Variants in RPH3A observed in about 807,000 individuals in gnomAD.
RPH3A encodes the protein rabphilin 3A.
In RPH3A, 48 loss-of-function variants were observed where a neutral mutation model predicts 102.2. The ratio of observed to expected loss-of-function variants is 0.47; its 90% confidence interval spans 0.37 to 0.60. RPH3A has a LOEUF of 0.60. RPH3A is among the 20% of genes least tolerant of loss of function. RPH3A has a pLI of 0.00. For missense variants in RPH3A, 781 were observed against 910.1 expected (o/e 0.86, Z 1.83); for synonymous variants, 310 against 324.3 (o/e 0.96, Z 0.47).
intron 1 of RPH3A, among the ~76,000 whole-genome samples, chr12:112,751,311 G>A (rs2040784675): frequency 6.6e-6 from 1 of 152,170 alleles, no homozygotes; most frequent in Non-Finnish European, 1.5e-5. Context: ...GCAGTACAGT[G>A]CTATGATTGT....
intron 1 of RPH3A, among the ~76,000 whole-genome samples, chr12:112,618,557 G>A (rs2039698211): frequency 6.6e-6 from 1 of 151,992 alleles, no homozygotes; most frequent in African/African-American, 2.4e-5. Flanking sequence ...CATTTCAAGA[G>A]GAACCCTGGG....
intron 1 of RPH3A, among the ~76,000 whole-genome samples, chr12:112,703,439 C>A (rs2040408142): frequency 6.6e-6 from 1 of 152,148 alleles, no homozygotes; most frequent in African/African-American, 2.4e-5. Context: ...ATTAAAAGTC[C>A]ATTCTAGTAT....
rs10563429 is a variant in RPH3A, at chr12:112,897,145, T to TACACACACACACACACACAC, written c.*376_*395dup. ...CCTCCTAGCCTTGAACACACACATG[T>TACACACACACACACACACAC]ACACACACACACACACACACACACA... On this transcript the variant is annotated 3_prime_UTR_variant, in exon 22 of 22. Transcript: ENST00000389385. 12 of 183,204 alleles carry TACACACACACACACACACAC rather than the reference T, an allele frequency of 6.6e-5. No homozygotes were observed. The highest frequency in any genetic ancestry group is 2.4e-4 in the African/African-American group (10 of 42,088). 11.3% of individuals were successfully genotyped at this position (183,204 alleles called of 1,614,324 possible).
intron 17 of RPH3A, among the ~76,000 whole-genome samples, 169 bp downstream of exon 17, chr12:112,888,092 TTC>T (rs2043034766): frequency 1.3e-5 from 2 of 152,226 alleles, no homozygotes; most frequent in South Asian, 4.1e-4. Flanking sequence ...TCAGGCTGCA[TTC>T]TCTCTCTGCC....
intron 10 of RPH3A, 117 bp from the exon 11 acceptor site, chr12:112,874,967 T>G (rs2042768391): frequency 2.8e-6 from 2 of 717,886 alleles, no homozygotes; most frequent in Non-Finnish European, 4.6e-6. Context: ...AGTGAGGAGC[T>G]GCCTCCAGTG....
intron 1 of RPH3A, among the ~76,000 whole-genome samples, chr12:112,783,942 C>A (rs1287596443): frequency 6.6e-6 from 1 of 152,168 alleles, no homozygotes; most frequent in Non-Finnish European, 1.5e-5. Context: ...CTGATTTATT[C>A]ATTTCCAGGG....
chr12:112,634,911 A>G (rs2039837449), intron 1 of RPH3A, among the ~76,000 whole-genome samples: 1 of 152,082 alleles, frequency 6.6e-6, no homozygotes, highest in Non-Finnish European at 1.5e-5. Flanking sequence ...ATTTAACTAG[A>G]ATTTTACATC....
At chr12:112,867,148 T>C (rs995671504) in intron 7 of RPH3A, among the ~76,000 whole-genome samples, 5 of 152,244 alleles carry the variant, frequency 3.3e-5, no homozygotes, top group Admixed American at 2.6e-4. Flanking sequence ...CCATTTCTTA[T>C]TTCCATTTTT....
At chr12:112,727,654 A>C (rs566960635) in intron 1 of RPH3A, among the ~76,000 whole-genome samples, 1 of 152,066 alleles carries the variant, frequency 6.6e-6, no homozygotes, top group Non-Finnish European at 1.5e-5. Flanking sequence ...TAGAACCCTG[A>C]AAATACTGGG....
chr12:112,727,870 C>T (rs1269246238), intron 1 of RPH3A, among the ~76,000 whole-genome samples: 1 of 152,176 alleles, frequency 6.6e-6, no homozygotes, highest in East Asian at 1.9e-4. Context: ...AGAATGTCTT[C>T]ACTGATTTAG....
rs143393392 is a variant in RPH3A at position 112,828,364 on chromosome 12, C to T, written c.46C>T (p.Pro16Ser). ...FSNSSNRWMY[P>S]SDRPLQSNDK... ...CAACAGTTCTAACCGTTGGATGTAC[C>T]CCAGTGACCGGCCCCTTCAATCAAA... Residue 16 changes from proline to serine, a missense_variant, in exon 3 of 22, where the codon CCC becomes TCC. Around this residue, in one of 2 missense-constraint regions of RPH3A, gnomAD observed 730 missense variants for 810.0 expected, o/e 0.90. Coordinates refer to ENST00000389385, the MANE Select transcript of RPH3A (RefSeq NM_001143854.2). 186 of 1,606,010 alleles carry T rather than the reference C, an allele frequency of 1.2e-4. No individual in the cohort carries two copies. In the African/African-American group the frequency reaches 1.6e-3, roughly 14 times the overall value.
At chr12:112,681,699 A>G (rs2040227385) in intron 1 of RPH3A, among the ~76,000 whole-genome samples, 1 of 152,230 alleles carries the variant, frequency 6.6e-6, no homozygotes, top group South Asian at 2.1e-4. Context: ...ATCATGAGAT[A>G]TTTAAGCAGT....
chr12:112,894,516 G>A, intron 19 of RPH3A, 62 bp from the exon 20 acceptor site: 2 of 1,471,932 alleles, frequency 1.4e-6, no homozygotes, highest in Non-Finnish European at 1.9e-6. Flanking sequence ...GGCCTTTGGG[G>A]TCAAGAGGCT....
At position 112,896,641 on chromosome 12, in the gene RPH3A, A is replaced by G. The variant is rs374761939; in HGVS notation, c.1955-9A>G. 18 of 1,613,872 alleles carry G rather than the reference A, an allele frequency of 1.1e-5. No individual in the cohort carries two copies. Among genetic ancestry groups the G allele is most frequent in the Non-Finnish European group, 1.4e-5 (17 of 1,179,948 alleles). Reference sequence around the variant, plus strand: ...ACCACCTGCTCCTATCTTCCCATTTATCCTCCAGGAGGCTGCCAGCTGGGG... The same window carrying G: ...ACCACCTGCTCCTATCTTCCCATTTGTCCTCCAGGAGGCTGCCAGCTGGGG... On this transcript the variant is annotated splice_polypyrimidine_tract_variant and intron_variant, in intron 21 of 21. Transcript: ENST00000389385.
intron 1 of RPH3A, among the ~76,000 whole-genome samples, chr12:112,752,359 T>G (rs937338057): frequency 1.3e-5 from 2 of 152,192 alleles, no homozygotes; most frequent in African/African-American, 4.8e-5. Context: ...TTATAGAAAC[T>G]TATTACTTAG....
chr12:112,753,113 T>A (rs4767003), intron 1 of RPH3A, among the ~76,000 whole-genome samples: 1 of 151,752 alleles, frequency 6.6e-6, no homozygotes, highest in Non-Finnish European at 1.5e-5. Flanking sequence ...TCTCGTGGAA[T>A]GTTCAAGAGA....
intron 1 of RPH3A, among the ~76,000 whole-genome samples, chr12:112,589,873 A>G (rs1334441506): frequency 6.6e-6 from 1 of 152,190 alleles, no homozygotes; most frequent in African/African-American, 2.4e-5. Context: ...ACTTGAGGTC[A>G]GGAGTTCAAG....
chr12:112,879,045 T>C (rs1323558492), intron 13 of RPH3A, 74 bp from the exon 14 acceptor site: 6 of 1,304,606 alleles, frequency 4.6e-6, no homozygotes, highest in African/African-American at 2.9e-5. Context: ...CCTGGGCATA[T>C]AGTAAGTGTT....
intron 1 of RPH3A, among the ~76,000 whole-genome samples, chr12:112,618,833 C>G (rs1272155804): frequency 1.3e-5 from 2 of 152,160 alleles, no homozygotes; most frequent in Non-Finnish European, 2.9e-5. Context: ...TAAAAGAAAC[C>G]CATTAGCAGT....
Sources: gnomAD v4.1 joint callset for allele counts (sites outside exome capture counted in the v4.1 genomes callset) on GRCh38, gnomAD v4.1.1 for gene constraint, gnomAD v4.1.1 regional missense constraint, MANE v1.5 for transcripts, NCBI Gene and HGNC (gene_info 2026-07-23, HGNC 2026-07-21) for gene names.